Variants in GNAQ observed in about 807,000 individuals in gnomAD.
GNAQ encodes G protein subunit alpha q.
In GNAQ, 8 loss-of-function variants were observed where a neutral mutation model predicts 43.9. The observed-to-expected ratio is 0.18, with a 90% CI of 0.11 to 0.33. The LOEUF (loss-of-function observed/expected upper bound fraction) is 0.33. Ranked by LOEUF, GNAQ falls within the 10% of genes least tolerant of loss-of-function variation. GNAQ has a pLI of 1.00. For missense variants in GNAQ, 158 were observed against 450.8 expected, an observed-to-expected ratio of 0.35 and a Z score of 5.88; for synonymous variants, 155 against 170.7, an observed-to-expected ratio of 0.91 and a Z score of 0.71.
chr9:77,740,912 G>C (rs567536405), intron 5 of GNAQ, among the ~76,000 whole-genome samples: 3 of 152,288 alleles, frequency 2.0e-5, no homozygotes, highest in East Asian at 1.9e-4. Context: ...TGGCCACACT[G>C]TCTGTCATAA....
intron 5 of GNAQ, among the ~76,000 whole-genome samples, chr9:77,738,226 G>C (rs1825601922): frequency 6.6e-6 from 1 of 152,112 alleles, no homozygotes; most frequent in Non-Finnish European, 1.5e-5. Flanking sequence ...ACACCTGCAA[G>C]AGTGCTTTCC....
At chr9:77,951,784 G>A (rs368955245) in intron 1 of GNAQ, among the ~76,000 whole-genome samples, 250 of 152,286 alleles carry the variant, frequency 1.6e-3, no homozygotes, top group South Asian at 8.9e-3. Flanking sequence ...GGGTCATCTC[G>A]ATGAGTTATC....
In GNAQ at chr9:77,879,287, G is replaced by T. The variant is rs143378570; in HGVS notation, c.321+42874C>A. Among the ~76,000 whole-genome samples, 422 of 151,924 alleles carry T rather than the reference G, an allele frequency of 2.8e-3. 2 individuals carry two copies. The highest frequency in any genetic ancestry group is 9.7e-3 in the African/African-American group (402 of 41,432). On this transcript the variant is annotated intron_variant, in intron 2 of 6. Coordinates refer to ENST00000286548, the MANE Select transcript of GNAQ (RefSeq NM_002072.5). ...TTAGTTTTTTTCTTTTTTTGAGATG[G>T]AGTTTTTGCTCTGTGGCCCAGGCTG...
chr9:77,966,011 G>A (rs1170513428), intron 1 of GNAQ, among the ~76,000 whole-genome samples: 1 of 151,968 alleles, frequency 6.6e-6, no homozygotes, highest in East Asian at 1.9e-4. Context: ...AAAAAGGAGC[G>A]AACTATTGAC....
intron 2 of GNAQ, among the ~76,000 whole-genome samples, chr9:77,900,273 C>G (rs545912482): frequency 6.6e-6 from 1 of 152,186 alleles, no homozygotes; most frequent in African/African-American, 2.4e-5. Flanking sequence ...AACACATGTA[C>G]GAATAACACA....
rs12347848 is a variant in GNAQ at position 77,768,998 on chromosome 9, A to G, written c.735+25465T>C. 7.0e-3 allele frequency among the ~76,000 whole-genome samples: 1,068 copies of G among 152,344 alleles called. 7 individuals are homozygous for G. Among genetic ancestry groups the G allele is most frequent in the African/African-American group, 0.022 (927 of 41,582 alleles). ...ATTCTGCCAGTGATATGCAGACACC[A>G]ATAAAAAGGAGGAACTGTGTTGCCT... is the stretch of plus-strand genomic sequence containing the variant. On this transcript the variant is annotated intron_variant, in intron 5 of 6. Transcript: ENST00000286548.
intron 5 of GNAQ, among the ~76,000 whole-genome samples, chr9:77,788,665 CTATAAT>C (rs903794211): frequency 2.0e-5 from 3 of 152,120 alleles, no homozygotes; most frequent in African/African-American, 7.2e-5. Flanking sequence ...TTTAAGTTCT[CTATAAT>C]TATATACTCT....
intron 1 of GNAQ, among the ~76,000 whole-genome samples, chr9:77,948,636 G>T (rs1822936019): frequency 6.6e-6 from 1 of 152,174 alleles, no homozygotes; most frequent in African/African-American, 2.4e-5. Context: ...CGCTACTGTT[G>T]ACTGAACATC....
intron 2 of GNAQ, among the ~76,000 whole-genome samples, chr9:77,842,779 C>T (rs1587941600): frequency 6.6e-6 from 1 of 152,252 alleles, no homozygotes; most frequent in East Asian, 1.9e-4. Context: ...CCTTGGGATA[C>T]TTTGATGAAC....
chr9:77,837,295 T>TA (rs1204738952), intron 2 of GNAQ, among the ~76,000 whole-genome samples: 1 of 152,188 alleles, frequency 6.6e-6, no homozygotes, highest in African/African-American at 2.4e-5. Context: ...CTCATGCCTC[T>TA]AATCTCAGCA....
intron 2 of GNAQ, among the ~76,000 whole-genome samples, chr9:77,841,692 A>C (rs1188383753): frequency 1.3e-5 from 2 of 152,236 alleles, no homozygotes; most frequent in African/African-American, 4.8e-5. Flanking sequence ...GAAACAAATA[A>C]TATGTAAACT....
At chr9:77,984,029 G>C (rs1823401077) in intron 1 of GNAQ, among the ~76,000 whole-genome samples, 1 of 110,182 alleles carries the variant, frequency 9.1e-6, no homozygotes, top group African/African-American at 3.6e-5. Context: ...TGCAGCATAT[G>C]CAAGTAGAAT....
chr9:77,965,028 C>T (rs1160544429), intron 1 of GNAQ, among the ~76,000 whole-genome samples: 1 of 152,128 alleles, frequency 6.6e-6, no homozygotes, highest in East Asian at 1.9e-4. Context: ...ATACCAAAAA[C>T]AATTTCACAA....
At chr9:77,807,848 G>C (rs536391525) in intron 3 of GNAQ, among the ~76,000 whole-genome samples, 1 of 152,234 alleles carries the variant, frequency 6.6e-6, no homozygotes, top group African/African-American at 2.4e-5. Flanking sequence ...AGGACTTTTG[G>C]ACCATATGAT....
intron 2 of GNAQ, among the ~76,000 whole-genome samples, chr9:77,908,594 A>G (rs932802820): frequency 6.6e-6 from 1 of 152,186 alleles, no homozygotes; most frequent in Non-Finnish European, 1.5e-5. Context: ...TGCTCACACT[A>G]ACCATACAAA....
At chr9:77,847,457 C>A (rs987866525) in intron 2 of GNAQ, among the ~76,000 whole-genome samples, 1 of 152,142 alleles carries the variant, frequency 6.6e-6, no homozygotes, top group South Asian at 2.1e-4. Flanking sequence ...TTAAAGACCA[C>A]GTCCTGTGGG....
chr9:77,810,408 C>T (rs1241920557), intron 3 of GNAQ, among the ~76,000 whole-genome samples: 1 of 152,110 alleles, frequency 6.6e-6, no homozygotes, highest in Non-Finnish European at 1.5e-5. Flanking sequence ...AGTCTGAATC[C>T]TAGTTTCCTC....
intron 2 of GNAQ, among the ~76,000 whole-genome samples, chr9:77,858,910 C>G (rs1249970899): frequency 6.6e-6 from 1 of 152,046 alleles, no homozygotes; most frequent in East Asian, 1.9e-4. Flanking sequence ...CACCTCAACT[C>G]ACTCCTTCCG....
At chr9:77,922,475 G>C in intron 1 of GNAQ, 130 bp from the exon 2 acceptor site, 4 of 656,288 alleles carry the variant, frequency 6.1e-6, no homozygotes, top group Admixed American at 2.4e-5. Context: ...TCTAGAATTG[G>C]AAACACTACC....
Sources: gnomAD v4.1 joint callset for allele counts (sites outside exome capture counted in the v4.1 genomes callset) on GRCh38, gnomAD v4.1.1 for gene constraint, MANE v1.5 for transcripts, NCBI Gene and HGNC (gene_info 2026-07-23, HGNC 2026-07-21) for gene names.